GYG1: variants seen among roughly 807,000 people sequenced by gnomAD.
GYG1 encodes glycogenin 1, also known as glycogenin-1.
Under a neutral mutation model 41.9 loss-of-function variants are expected in GYG1, and 44 were observed. The observed-to-expected ratio is 1.05, with a 90% CI of 0.83 to 1.35. The LOEUF (loss-of-function observed/expected upper bound fraction) is 1.35. Ranked by LOEUF, GYG1 falls within the 40% of genes most tolerant of loss-of-function variation. The pLI is 0.00. For missense variants in GYG1, 429 were observed against 418.9 expected (o/e 1.02, Z -0.21); for synonymous variants, 141 against 158.1 (o/e 0.89, Z 0.81).
intron 1 of GYG1, among the ~76,000 whole-genome samples, chr3:148,991,894 T>C (rs996096111): frequency 6.6e-6 from 1 of 152,206 alleles, no homozygotes; most frequent in Non-Finnish European, 1.5e-5. Context: ...CGTTCCTGCT[T>C]CCGTCTCCTC....
In GYG1 at chr3:149,029,758, A is replaced by C. The variant is rs1714854078; in HGVS notation, c.*2825A>C. ...AGTACTCACTGGTAACAAACTACAT[A>C]GGGTTAGTTTGTATTTCCAATTCTA... On this transcript the variant is annotated 3_prime_UTR_variant, in exon 8 of 8. Coordinates refer to ENST00000345003, the MANE Select transcript of GYG1 (RefSeq NM_004130.4). Among the ~76,000 whole-genome samples the C allele has an allele frequency of 6.6e-6, 1 of 152,262 alleles. No homozygotes were observed. The highest frequency in any genetic ancestry group is 2.1e-4 in the South Asian group (1 of 4,836).
At chr3:149,014,635 C>T (rs556175705) in intron 5 of GYG1, among the ~76,000 whole-genome samples, 32 of 151,592 alleles carry the variant, frequency 2.1e-4, no homozygotes, top group Admixed American at 1.7e-3. Flanking sequence ...CTCTTGAGCC[C>T]AGGAGTTTGA....
At chr3:149,002,302 T>C (rs1164855202) in intron 4 of GYG1, among the ~76,000 whole-genome samples, 2 of 152,186 alleles carry the variant, frequency 1.3e-5, no homozygotes, top group African/African-American at 2.4e-5. Flanking sequence ...AGTTATGTAA[T>C]CATGATTCTA....
chr3:149,024,699 A>G (rs772805383), intron 6 of GYG1, among the ~76,000 whole-genome samples: 1 of 152,254 alleles, frequency 6.6e-6, no homozygotes, highest in Non-Finnish European at 1.5e-5. Context: ...GACAATATGA[A>G]CATACAGTAA....
chr3:148,992,079 C>T (rs1712514297), intron 1 of GYG1, among the ~76,000 whole-genome samples: 1 of 152,164 alleles, frequency 6.6e-6, no homozygotes, highest in African/African-American at 2.4e-5. Context: ...AGCAGGGGCT[C>T]CGAGGCGGGG....
intron 6 of GYG1, among the ~76,000 whole-genome samples, chr3:149,025,959 C>T (rs1714629032): frequency 1.3e-5 from 2 of 152,194 alleles, no homozygotes; most frequent in African/African-American, 4.8e-5. Flanking sequence ...GCCTCTGTAT[C>T]ATTACTGTTG....
At chr3:149,017,159 T>C (rs139269663) in intron 5 of GYG1, among the ~76,000 whole-genome samples, 335 of 152,364 alleles carry the variant, frequency 2.2e-3, no homozygotes, top group African/African-American at 7.7e-3. Flanking sequence ...ATGAAAATTC[T>C]ATCTGATCTT....
rs1714695392 is a variant in GYG1, at chr3:149,027,031, A to AGAGGTTTTCATTAAAACTTATC, written c.*99_*120dup. ...TTGAGAAAAGTCTGTTACAGTTGCT[A>AGAGGTTTTCATTAAAACTTATC]GAGGTTTTCATTAAAACTTATCAGA... On this transcript the variant is annotated 3_prime_UTR_variant, in exon 8 of 8. Transcript: ENST00000345003. The AGAGGTTTTCATTAAAACTTATC allele has an allele frequency of 1.5e-6, 2 of 1,302,418 alleles. No homozygotes were observed. Among genetic ancestry groups the AGAGGTTTTCATTAAAACTTATC allele is most frequent in the Non-Finnish European group, 2.2e-6 (2 of 900,780 alleles). 80.7% of individuals were successfully genotyped at this position (1,302,418 alleles called of 1,614,324 possible).
chr3:148,996,870 G>A lies in GYG1; in HGVS notation c.447G>A (p.Leu149=). ...YQPSVETYNQ[L]LHLASEQGSF... is the part of the protein sequence containing the mutation. Reference sequence around the variant, plus strand: ...CTTCAGTTGAAACATACAATCAGCTGTTGCATCTTGCTTCTGAGCAAGGTA... The same window carrying A: ...CTTCAGTTGAAACATACAATCAGCTATTGCATCTTGCTTCTGAGCAAGGTA... Residue 149 remains leucine, a synonymous_variant, in exon 4 of 8, where the codon CTG becomes CTA. Coordinates refer to ENST00000345003, the MANE Select transcript of GYG1 (RefSeq NM_004130.4). 1.2e-6 allele frequency: 2 copies of A among 1,613,826 alleles called. No individual in the cohort carries two copies. Among genetic ancestry groups the A allele is most frequent in the Non-Finnish European group, 1.7e-6 (2 of 1,179,724 alleles).
rs1714828514 is a variant in GYG1 at position 149,029,321 on chromosome 3, G to A, written c.*2388G>A. Among the ~76,000 whole-genome samples the A allele has an allele frequency of 6.6e-6, 1 of 152,176 alleles. No individual in the cohort carries two copies. The highest frequency in any genetic ancestry group is 6.5e-5 in the Admixed American group (1 of 15,280). On this transcript the variant is annotated 3_prime_UTR_variant, in exon 8 of 8. Transcript: ENST00000345003. ...AATTACAAGATTTATATTTGCAGAG[G>A]TGATCCATATATACTTATCCCCTTG...
In GYG1 at chr3:149,029,986, G is replaced by A. The variant is rs1245665008; in HGVS notation, c.*3053G>A. On this transcript the variant is annotated 3_prime_UTR_variant, in exon 8 of 8. Transcript: ENST00000345003. ...AGCTAAATTGAGCAAAATAAAGTTAGTTAGGATATGAGGACATTATTCTGT... is the reference window on the plus strand; with the variant it reads ...AGCTAAATTGAGCAAAATAAAGTTAATTAGGATATGAGGACATTATTCTGT... 7 of 152,142 alleles carry A rather than the reference G, an allele frequency of 4.6e-5. No individual in the cohort carries two copies. The highest frequency in any genetic ancestry group is 4.6e-4 in the Admixed American group (7 of 15,268). The allele number at this position is 152,142 out of a possible 1,614,324, so 9.4% of individuals were successfully genotyped here.
chr3:149,025,056 T>TA (rs1029767165), intron 6 of GYG1, among the ~76,000 whole-genome samples: 7 of 152,228 alleles, frequency 4.6e-5, no homozygotes, highest in African/African-American at 1.7e-4. Context: ...TTTCACTTAC[T>TA]AGCATTTACT....
At chr3:148,991,709 C>T in intron 1 of GYG1, 62 bp downstream of exon 1, 1 of 1,257,098 alleles carries the variant, frequency 8.0e-7, no homozygotes, top group Non-Finnish European at 1.1e-6. Context: ...CAGCCGCCGC[C>T]TCCCTTCTCC....
chr3:149,017,262 G>A (rs901396988), intron 5 of GYG1, among the ~76,000 whole-genome samples: 2 of 152,126 alleles, frequency 1.3e-5, no homozygotes, highest in East Asian at 1.9e-4. Context: ...TGATCTGGAC[G>A]ACCCTTTTGA....
rs757352306 is a variant in GYG1, at chr3:148,991,612, C to A, written c.-29C>A. 6.4e-7 allele frequency: 1 copy of A among 1,554,732 alleles called. No individual in the cohort carries two copies. The highest frequency in any genetic ancestry group is 8.6e-7 in the Non-Finnish European group (1 of 1,158,928). ...TCTCTGAGTCACCAACCTGAGGCTG[C>A]CCCGGCCGCCTGCGCACCCGGCAGC... On this transcript the variant is annotated 5_prime_UTR_variant, in exon 1 of 8. Transcript: ENST00000345003.
chr3:149,024,321 A>T (rs1456696694), intron 6 of GYG1, 49 bp downstream of exon 6: 2 of 1,107,644 alleles, frequency 1.8e-6, no homozygotes, highest in East Asian at 4.7e-5. Flanking sequence ...CTTTTTAAAA[A>T]AATTGTTGTA....
chr3:149,016,048 G>A (rs1331559592), intron 5 of GYG1, among the ~76,000 whole-genome samples: 1 of 151,818 alleles, frequency 6.6e-6, no homozygotes, highest in Non-Finnish European at 1.5e-5. Flanking sequence ...AGATCACGAG[G>A]TCAGGAGATC....
At position 149,028,840 on chromosome 3, in the gene GYG1, C is replaced by T. The variant is rs1559846741; in HGVS notation, c.*1907C>T. Among the ~76,000 whole-genome samples the T allele has an allele frequency of 6.6e-6, 1 of 151,884 alleles. No individual in the cohort carries two copies. The highest frequency in any genetic ancestry group is 1.9e-4 in the East Asian group (1 of 5,154). ...GATTCAAGAGATTCTCCTACCTCAG[C>T]CTCCTGAGTAGCTGGGACTACAGGC... On this transcript the variant is annotated 3_prime_UTR_variant, in exon 8 of 8. Transcript: ENST00000345003.
At chr3:149,025,785 C>G (rs928525690) in intron 6 of GYG1, among the ~76,000 whole-genome samples, 2 of 152,058 alleles carry the variant, frequency 1.3e-5, no homozygotes, top group Non-Finnish European at 2.9e-5. Flanking sequence ...ATCTACAGCC[C>G]AGAATTAAGA....
Sources: allele counts gnomAD v4.1 joint callset (sites outside exome capture counted in the v4.1 genomes callset), GRCh38; gene constraint gnomAD v4.1.1; transcripts MANE v1.5; gene names NCBI Gene and HGNC (gene_info 2026-07-23, HGNC 2026-07-21).